The following BCL11B variants were observed in gnomAD, a reference collection of about 807,000 sequenced individuals.
BCL11B encodes the protein B-cell lymphoma/leukemia 11B.
Under a neutral mutation model 49.9 loss-of-function variants are expected in BCL11B, and 8 were observed. The observed-to-expected ratio is 0.16, with a 90% CI of 0.09 to 0.29. The LOEUF (loss-of-function observed/expected upper bound fraction) is 0.29. Ranked by LOEUF, BCL11B falls within the 10% of genes least tolerant of loss-of-function variation. The pLI is 1.00. For synonymous variants in BCL11B, 739 were observed against 637.4 expected (o/e 1.16, Z -2.40); for missense variants, 1,006 against 1,351.0 (o/e 0.74, Z 4.00).
At chr14:99,183,716 G>A (rs542385566) in intron 3 of BCL11B, among the ~76,000 whole-genome samples, 1 of 151,982 alleles carries the variant, frequency 6.6e-6, no homozygotes, top group Non-Finnish European at 1.5e-5. Flanking sequence ...ACAGAGACTG[G>A]AACTTGGGAC....
At chr14:99,251,271 G>A (rs2175193) in intron 2 of BCL11B, among the ~76,000 whole-genome samples, 1 of 152,208 alleles carries the variant, frequency 6.6e-6, no homozygotes, top group African/African-American at 2.4e-5. Context: ...AGGAGGCTAG[G>A]AAGCCAGACC....
chr14:99,255,431 A>C (rs10220680), intron 2 of BCL11B, among the ~76,000 whole-genome samples: 59,922 of 111,052 alleles, frequency 0.54, 15,579 homozygotes, highest in East Asian at 0.67. Flanking sequence ...AAAAAAAAAA[A>C]AAAACAGGGG....
rs1289904154 is a variant in BCL11B, at chr14:99,242,289, C to T, written c.428-10732G>A. Among the ~76,000 whole-genome samples, 1 of 152,204 alleles carries T rather than the reference C, an allele frequency of 6.6e-6. No individual in the cohort carries two copies. Among genetic ancestry groups the T allele is most frequent in the Non-Finnish European group, 1.5e-5 (1 of 68,036 alleles). On this transcript the variant is annotated intron_variant, in intron 2 of 3. Coordinates refer to ENST00000357195, the MANE Select transcript of BCL11B (RefSeq NM_138576.4). The surrounding 1 kb of genome is among the most constrained non-coding windows in gnomAD (Gnocchi z 4.4). ...CATGGGCGTTGCATGATCTTGTCCC[C>T]CTGCTTCCCTACCTTTTCTCGCAAA... is the stretch of plus-strand genomic sequence containing the variant.
At chr14:99,268,389 T>C (rs1005401574) in intron 1 of BCL11B, among the ~76,000 whole-genome samples, 2 of 152,168 alleles carry the variant, frequency 1.3e-5, no homozygotes, top group African/African-American at 4.8e-5. Context: ...GACCTGAGGT[T>C]GCTGCCCCAC....
At position 99,247,040 on chromosome 14, in the gene BCL11B, A is replaced by C. The variant is rs562725999; in HGVS notation, c.427+10431T>G. Among the ~76,000 whole-genome samples the C allele has an allele frequency of 6.6e-6, 1 of 152,236 alleles. No individual in the cohort carries two copies. Among genetic ancestry groups the C allele is most frequent in the Admixed American group, 6.5e-5 (1 of 15,308 alleles). ...GAGCCTCGCGTCCCGCCTCCCCGCAACACGCTGTTTTCAGCGTTCCAGACC... is the reference window on the plus strand; with the variant it reads ...GAGCCTCGCGTCCCGCCTCCCCGCACCACGCTGTTTTCAGCGTTCCAGACC... On this transcript the variant is annotated intron_variant, in intron 2 of 3. Coordinates refer to ENST00000357195, the MANE Select transcript of BCL11B (RefSeq NM_138576.4). The surrounding 1 kb of genome is among the most constrained non-coding windows in gnomAD (Gnocchi z 4.5).
In BCL11B at chr14:99,248,464, GC is replaced by G. The variant is rs1888911564; in HGVS notation, c.427+9006del. 6.6e-6 allele frequency among the ~76,000 whole-genome samples: 1 copy of G among 151,972 alleles called. No individual in the cohort carries two copies. ...CCAGGGTGGGTCCAGATCTTGCAGG[GC>G]CCGAGGTTTATACAATTCAGGGTAC... On this transcript the variant is annotated intron_variant, in intron 2 of 3. Coordinates refer to ENST00000357195, the MANE Select transcript of BCL11B (RefSeq NM_138576.4). This position sits in a 1 kb window ranked among gnomAD's most constrained non-coding sequence, Gnocchi z 4.7.
chr14:99,231,609 A>C lies in BCL11B; in HGVS notation c.428-52T>G. On this transcript the variant is annotated intron_variant, in intron 2 of 3. Transcript: ENST00000357195. The surrounding 1 kb of genome is among the most constrained non-coding windows in gnomAD (Gnocchi z 8.1). ...GGTCAGTCGGGCCCTGGACTGTGTG[A>C]GGGGCACGGGGTGGGACGGGGCTCG... The C allele has an allele frequency of 9.5e-6, 12 of 1,259,384 alleles. No individual in the cohort carries two copies. The highest frequency in any genetic ancestry group is 1.6e-5 in the African/African-American group (1 of 64,250). The allele number at this position is 1,259,384 out of a possible 1,614,324, so 78.0% of individuals were successfully genotyped here.
chr14:99,201,347 G>A (rs142666312), intron 3 of BCL11B, among the ~76,000 whole-genome samples: 1 of 152,190 alleles, frequency 6.6e-6, no homozygotes, highest in Non-Finnish European at 1.5e-5. Context: ...CACAAATGGT[G>A]ACGGGACAAT....
chr14:99,222,742 G>A (rs1363688443), intron 3 of BCL11B, among the ~76,000 whole-genome samples: 1 of 152,062 alleles, frequency 6.6e-6, no homozygotes, highest in Non-Finnish European at 1.5e-5. Context: ...ACAGTGACTG[G>A]ACCCTCAGCC....
Position 99,231,315 on chromosome 14 carries a change from C to T in BCL11B, c.640+30G>A, listed in dbSNP as rs771588341. ...ATGGCACACCCCGCCATCCCGGGGG[C>T]CCGCCCCCCACCGCGGCGTCGTCTG... On this transcript the variant is annotated intron_variant, in intron 3 of 3. Coordinates refer to ENST00000357195, the MANE Select transcript of BCL11B (RefSeq NM_138576.4). This position sits in a 1 kb window ranked among gnomAD's most constrained non-coding sequence, Gnocchi z 8.1. 23 of 1,600,416 alleles carry T rather than the reference C, an allele frequency of 1.4e-5. No individual in the cohort carries two copies. Among genetic ancestry groups the T allele is most frequent in the African/African-American group, 4.0e-5 (3 of 74,540 alleles).
chr14:99,178,191 C>A (rs1473956314), intron 3 of BCL11B, among the ~76,000 whole-genome samples: 3 of 152,200 alleles, frequency 2.0e-5, no homozygotes, highest in Non-Finnish European at 4.4e-5. Context: ...CATAGGGATT[C>A]TTTCCCTCTC....
rs994894671 is a variant in BCL11B, at chr14:99,231,634, G to C, written c.428-77C>G. The C allele has an allele frequency of 8.5e-6, 12 of 1,417,218 alleles. No homozygotes were observed. In the East Asian group the frequency reaches 1.2e-4, roughly 15 times the overall value. 87.8% of individuals were successfully genotyped at this position (1,417,218 alleles called of 1,614,324 possible). A position where few individuals can be genotyped will look rare whatever the true frequency, so the allele number is the denominator to read the frequency against. On this transcript the variant is annotated intron_variant, in intron 2 of 3. Transcript: ENST00000357195. The surrounding 1 kb of genome is among the most constrained non-coding windows in gnomAD (Gnocchi z 8.1). ...AGGGGCACGGGGTGGGACGGGGCTC[G>C]GGGCGTGGGGCTCTGCTCAGGCCAC...
intron 3 of BCL11B, among the ~76,000 whole-genome samples, chr14:99,224,220 C>T (rs1027033923): frequency 3.9e-5 from 6 of 152,208 alleles, no homozygotes; most frequent in Non-Finnish European, 5.9e-5. Context: ...GCTCCAAGTA[C>T]AGCTGGGAGG....
intron 1 of BCL11B, among the ~76,000 whole-genome samples, chr14:99,258,060 T>C (rs1889225821): frequency 6.6e-6 from 1 of 152,178 alleles, no homozygotes; most frequent in Non-Finnish European, 1.5e-5. Flanking sequence ...TCGTGCCCCC[T>C]GGGCATTGCC....
intron 2 of BCL11B, among the ~76,000 whole-genome samples, chr14:99,239,687 G>A (rs1239362151): frequency 6.6e-6 from 1 of 152,156 alleles, no homozygotes; most frequent in Non-Finnish European, 1.5e-5. Context: ...TGACCTTTGA[G>A]GAATGACCCG....
rs1477835107 is a variant in BCL11B, at chr14:99,169,851, C to T, written c.*4300G>A. On this transcript the variant is annotated 3_prime_UTR_variant, in exon 4 of 4. Transcript: ENST00000357195. ...TAGAGTAATTCAGTCTCCTTCTCTC[C>T]CCATGAAAGACCCTCTAATGCCAAG... 7.9e-5 allele frequency: 18 copies of T among 228,056 alleles called. No homozygotes were observed. The East Asian group carries it at 1.1e-3, about 14-fold the overall frequency. The allele number at this position is 228,056 out of a possible 1,614,324, so 14.1% of individuals were successfully genotyped here.
At chr14:99,210,348 C>T (rs922666187) in intron 3 of BCL11B, among the ~76,000 whole-genome samples, 14 of 152,066 alleles carry the variant, frequency 9.2e-5, no homozygotes, top group African/African-American at 3.1e-4. Flanking sequence ...TGGCCAAAAC[C>T]GGAGAAGGGG....
At chr14:99,199,135 G>T (rs1001518768) in intron 3 of BCL11B, among the ~76,000 whole-genome samples, 4 of 152,120 alleles carry the variant, frequency 2.6e-5, no homozygotes, top group African/African-American at 9.7e-5. Flanking sequence ...CGAATTATTC[G>T]CTTTTCCTCC....
chr14:99,217,349 T>C (rs1379025508), intron 3 of BCL11B, among the ~76,000 whole-genome samples: 1 of 129,434 alleles, frequency 7.7e-6, no homozygotes, highest in Non-Finnish European at 1.6e-5. Context: ...TATGCACATA[T>C]ACACTCTCAC....
Sources: allele counts gnomAD v4.1 joint callset (sites outside exome capture counted in the v4.1 genomes callset), GRCh38; gene constraint gnomAD v4.1.1; non-coding constraint Gnocchi (gnomAD v3.1); transcripts MANE v1.5; gene names NCBI Gene and HGNC (gene_info 2026-07-23, HGNC 2026-07-21).